The following TGM3 variants were observed in gnomAD, a reference collection of about 807,000 sequenced individuals.
TGM3 encodes the protein transglutaminase 3, also known as protein-glutamine gamma-glutamyltransferase E.
Under a neutral mutation model 73.8 loss-of-function variants are expected in TGM3, and 52 were observed. The observed-to-expected ratio is 0.70, with a 90% CI of 0.56 to 0.89. The LOEUF (loss-of-function observed/expected upper bound fraction) is 0.89. TGM3 is among the 40% of genes least tolerant of loss of function. The pLI, the probability that TGM3 is intolerant of heterozygous loss-of-function variation, is 0.00. For missense variants in TGM3, 928 were observed against 909.9 expected (o/e 1.02, Z -0.26); for synonymous variants, 372 against 354.9 (o/e 1.05, Z -0.54).
Position 2,328,424 on chromosome 20 carries a change from T to C in TGM3, c.1333+59T>C, listed in dbSNP as rs2084302624. On this transcript the variant is annotated intron_variant, in intron 9 of 12. Transcript: ENST00000381458. This position sits in a 1 kb window ranked among gnomAD's most constrained non-coding sequence, Gnocchi z 5.2. Reference sequence around the variant, plus strand: ...AGGTTCTATTGTGGGAGGATGGCTCTGAGGCTGGAGAGGAGAAAAGTCCTC... The same window carrying C: ...AGGTTCTATTGTGGGAGGATGGCTCCGAGGCTGGAGAGGAGAAAAGTCCTC... 1 of 1,600,160 alleles carries C rather than the reference T, an allele frequency of 6.2e-7. No homozygotes were observed. The highest frequency in any genetic ancestry group is 1.3e-5 in the African/African-American group (1 of 74,756).
intron 7 of TGM3, among the ~76,000 whole-genome samples, chr20:2,325,608 A>T (rs1053626312): frequency 6.6e-6 from 1 of 152,208 alleles, no homozygotes; most frequent in Non-Finnish European, 1.5e-5. Context: ...TTAGATGCTT[A>T]ACTTCTCTGA....
intron 5 of TGM3, among the ~76,000 whole-genome samples, chr20:2,313,665 T>C (rs556612177): frequency 5.5e-4 from 84 of 151,490 alleles, no homozygotes; most frequent in Non-Finnish European, 9.9e-4. Flanking sequence ...TCTCTCTCTC[T>C]CAGACACACA....
rs140397331 is a variant in TGM3, at chr20:2,338,171, G to A, written c.1801-1683G>A. ...CTGGTACTGACTGGCAATTAGCACT[G>A]AGGACCTTAGACCACAAAACCAGGC... On this transcript the variant is annotated intron_variant, in intron 11 of 12. Transcript: ENST00000381458. Among the ~76,000 whole-genome samples, 849 of 152,294 alleles carry A rather than the reference G, an allele frequency of 5.6e-3. 20 individuals carry two copies. The South Asian group carries it at 0.071, about 13-fold the overall frequency.
intron 12 of TGM3, 101 bp downstream of exon 12, chr20:2,340,088 G>T: frequency 7.1e-7 from 1 of 1,415,760 alleles, no homozygotes; most frequent in South Asian, 1.3e-5. Context: ...TCTGACCTTG[G>T]GTTCTTTACT....
chr20:2,308,146 C>G (rs530191537), intron 1 of TGM3, among the ~76,000 whole-genome samples: 3 of 151,992 alleles, frequency 2.0e-5, no homozygotes, highest in African/African-American at 7.2e-5. Context: ...CCCTTGAGCC[C>G]AGGAGCCAGA....
At chr20:2,311,166 T>C (rs376830997) in intron 4 of TGM3, 37 bp downstream of exon 4, 42 of 1,551,326 alleles carry the variant, frequency 2.7e-5, no homozygotes, top group African/African-American at 1.6e-4. Flanking sequence ...GTAATGTCCC[T>C]GTTACCCAAG....
At chr20:2,315,214 C>T (rs1282244279) in intron 5 of TGM3, among the ~76,000 whole-genome samples, 2 of 152,202 alleles carry the variant, frequency 1.3e-5, no homozygotes, top group Non-Finnish European at 2.9e-5. Context: ...ACCACTTTAT[C>T]GTGGAGCCAA....
chr20:2,336,536 C>T (rs546605125), intron 11 of TGM3, among the ~76,000 whole-genome samples: 8 of 150,612 alleles, frequency 5.3e-5, no homozygotes, highest in Non-Finnish European at 1.0e-4. Flanking sequence ...TGGCTGCAGG[C>T]GTTCCTGACC....
rs534985416 is a variant in TGM3, at chr20:2,340,834, T to C, written c.*253T>C. On this transcript the variant is annotated 3_prime_UTR_variant, in exon 13 of 13. Coordinates refer to ENST00000381458, the MANE Select transcript of TGM3 (RefSeq NM_003245.4). ...CTTCTCCCCAGAGCTGCCTGCTCTG[T>C]GAGCCCCACAGCCCTGCTCATTCCT... The C allele has an allele frequency of 1.6e-6, 1 of 622,722 alleles. No individual in the cohort carries two copies. The highest frequency in any genetic ancestry group is 1.5e-5 in the South Asian group (1 of 66,090). The allele number at this position is 622,722 out of a possible 1,614,324, so 38.6% of individuals were successfully genotyped here.
intron 2 of TGM3, 26 bp downstream of exon 2, chr20:2,309,856 C>A: frequency 6.2e-7 from 1 of 1,613,346 alleles, no homozygotes. Context: ...CCTCCTTGCC[C>A]AAACACACAC....
intron 1 of TGM3, among the ~76,000 whole-genome samples, chr20:2,304,831 C>G (rs1447822744): frequency 6.6e-6 from 1 of 152,212 alleles, no homozygotes; most frequent in South Asian, 2.1e-4. Context: ...ACTGCCCCCA[C>G]TTCAGATGCC....
chr20:2,315,013 C>T (rs2084225733), intron 5 of TGM3, among the ~76,000 whole-genome samples: 1 of 152,096 alleles, frequency 6.6e-6, no homozygotes, highest in Non-Finnish European at 1.5e-5. Flanking sequence ...AAGGTGGGCC[C>T]AGGGAACTTA....
At position 2,328,488 on chromosome 20, in the gene TGM3, A is replaced by G. The variant is rs112383933; in HGVS notation, c.1333+123A>G. ...TGGCAGCCAGTTCTGCCTGAATGAT[A>G]GGATTGCTCCCTAGCACCTAACATC... On this transcript the variant is annotated intron_variant, in intron 9 of 12. Transcript: ENST00000381458. The surrounding 1 kb of genome is among the most constrained non-coding windows in gnomAD (Gnocchi z 5.2). The G allele has an allele frequency of 1.4e-4, 191 of 1,360,446 alleles. No individual in the cohort carries two copies. The highest frequency in any genetic ancestry group is 9.9e-4 in the Middle Eastern group (4 of 4,022). 84.3% of individuals were successfully genotyped at this position (1,360,446 alleles called of 1,614,324 possible).
At chr20:2,323,238 A>G (rs956521410) in intron 7 of TGM3, among the ~76,000 whole-genome samples, 1 of 152,200 alleles carries the variant, frequency 6.6e-6, no homozygotes, top group Non-Finnish European at 1.5e-5. Context: ...CTGAGTCCCC[A>G]AAGTCCATTG....
intron 5 of TGM3, among the ~76,000 whole-genome samples, chr20:2,315,072 G>A (rs2084226114): frequency 6.6e-6 from 1 of 152,150 alleles, no homozygotes; most frequent in South Asian, 2.1e-4. Flanking sequence ...ACAGAATCTT[G>A]AAACCAAATG....
chr20:2,307,755 A>C (rs903855770), intron 1 of TGM3, among the ~76,000 whole-genome samples: 10 of 152,140 alleles, frequency 6.6e-5, no homozygotes, highest in African/African-American at 2.4e-4. Context: ...TAATATTTTT[A>C]TTGAATGAAT....
intron 5 of TGM3, among the ~76,000 whole-genome samples, chr20:2,316,393 C>T (rs893315976): frequency 9.9e-5 from 15 of 151,096 alleles, no homozygotes; most frequent in African/African-American, 3.2e-4. Context: ...GGTGAAACCC[C>T]GTCTCTATTA....
chr20:2,323,499 G>A (rs1467857433), intron 7 of TGM3, among the ~76,000 whole-genome samples: 1 of 152,184 alleles, frequency 6.6e-6, no homozygotes, highest in Non-Finnish European at 1.5e-5. Flanking sequence ...TACAAACAAT[G>A]CCTTGGTGGA....
rs772063158 is a variant in TGM3 at position 2,332,322 on chromosome 20, C to T, written c.1642+12C>T. The T allele has an allele frequency of 1.8e-5, 28 of 1,566,100 alleles. 1 individual carries two copies. The highest frequency in any genetic ancestry group is 9.7e-5 in the South Asian group (8 of 82,682). ...GGACCCTGAGGAAGGTAACGCATCC[C>T]GCAGTTGGAGGAGATCCACGAATCC... On this transcript the variant is annotated intron_variant, in intron 10 of 12. Coordinates refer to ENST00000381458, the MANE Select transcript of TGM3 (RefSeq NM_003245.4). This position sits in a 1 kb window ranked among gnomAD's most constrained non-coding sequence, Gnocchi z 4.4.
Sources: allele counts gnomAD v4.1 joint callset (sites outside exome capture counted in the v4.1 genomes callset), GRCh38; gene constraint gnomAD v4.1.1; non-coding constraint Gnocchi (gnomAD v3.1); transcripts MANE v1.5; gene names NCBI Gene and HGNC (gene_info 2026-07-23, HGNC 2026-07-21).